P2RY8: variants seen among roughly 807,000 people sequenced by gnomAD.
P2RY8 encodes P2Y receptor family member 8, also known as S-geranylgeranyl-glutathione receptor P2RY8.
P2RY8 carries 6 observed loss-of-function variants against 10.0 expected under a neutral mutation model. The ratio of observed to expected loss-of-function variants is 0.60; its 90% CI spans 0.33 to 1.19. P2RY8 has a LOEUF of 1.19. Among genes scored for constraint, P2RY8 ranks in the 50% most tolerant of loss-of-function variants. The pLI is 0.04. For synonymous variants in P2RY8, 276 were observed against 252.5 expected, an observed-to-expected ratio of 1.09 and a Z score of -0.88; for missense variants, 456 against 542.0, an observed-to-expected ratio of 0.84 and a Z score of 1.58.
At chrX:1,477,353 C>T (rs2091887462) in intron 1 of P2RY8, among the ~76,000 whole-genome samples, 1 of 151,882 alleles carries the variant, frequency 6.6e-6, no homozygotes, top group Admixed American at 6.6e-5. Flanking sequence ...ATCTATCAAT[C>T]GATCATCTAT....
At position 1,466,643 on chromosome X, in the gene P2RY8, G is replaced by C. The variant is rs1239409263; in HGVS notation, c.-24-61C>G. ...GGCGCAGGTAAAGAGGCGGCTGCCG[G>C]GAGGGCTCCTGAGCGCCGCTCCCCG... On this transcript the variant is annotated intron_variant, in intron 1 of 1. Coordinates refer to ENST00000381297, the MANE Select transcript of P2RY8 (RefSeq NM_178129.5). The C allele has an allele frequency of 2.0e-6, 3 of 1,488,130 alleles. No individual in the cohort carries two copies. In the East Asian group the frequency reaches 6.8e-5, roughly 34 times the overall value. 92.2% of individuals were successfully genotyped at this position (1,488,130 alleles called of 1,614,324 possible).
intron 1 of P2RY8, among the ~76,000 whole-genome samples, chrX:1,505,787 C>T (rs1453604471): frequency 3.3e-4 from 50 of 152,080 alleles, no homozygotes; most frequent in African/African-American, 1.2e-3. Context: ...AAGACTGCGT[C>T]TCAAAAACAA....
intron 1 of P2RY8, among the ~76,000 whole-genome samples, chrX:1,471,157 A>T (rs1193688564): frequency 6.6e-6 from 1 of 151,604 alleles, no homozygotes; most frequent in African/African-American, 2.4e-5. Flanking sequence ...ACAGGCATGC[A>T]TCACCGCACC....
intron 1 of P2RY8, among the ~76,000 whole-genome samples, chrX:1,483,081 C>G (rs1283086826): frequency 6.6e-6 from 1 of 152,008 alleles, no homozygotes; most frequent in African/African-American, 2.4e-5. Flanking sequence ...TACCCTAAAA[C>G]TTAAATGAAA....
At chrX:1,530,664 CTCTAA>C (rs1454275371) in intron 1 of P2RY8, among the ~76,000 whole-genome samples, 5 of 150,832 alleles carry the variant, frequency 3.3e-5, no homozygotes, top group African/African-American at 9.7e-5. Context: ...CTATGTATCT[CTCTAA>C]TCTATCATCT....
At position 1,463,135 on chromosome X, in the gene P2RY8, G is replaced by A. The variant is rs1223623557; in HGVS notation, c.*2344C>T. ...AAGGCAGTTTAGGGATCGTCCGTGC[G>A]TTACTGTGAAGATGCTACTCTGAGG... is the stretch of plus-strand genomic sequence containing the variant. On this transcript the variant is annotated 3_prime_UTR_variant, in exon 2 of 2. Transcript: ENST00000381297. 3 of 233,034 alleles carry A rather than the reference G, an allele frequency of 1.3e-5. No homozygotes were observed. The highest frequency in any genetic ancestry group is 2.2e-5 in the African/African-American group (1 of 45,298). The allele number at this position is 233,034 out of a possible 1,614,324, so 14.4% of individuals were successfully genotyped here. A position where few individuals can be genotyped will look rare whatever the true frequency, so the allele number is the denominator to read the frequency against.
chrX:1,503,450 C>G (rs1288589493), intron 1 of P2RY8, among the ~76,000 whole-genome samples: 1 of 152,122 alleles, frequency 6.6e-6, no homozygotes, highest in South Asian at 2.1e-4. Context: ...TGACATGCCA[C>G]GAGCTTTGTT....
chrX:1,493,854 G>T (rs1483076203), intron 1 of P2RY8, among the ~76,000 whole-genome samples: 1 of 152,168 alleles, frequency 6.6e-6, no homozygotes, highest in Non-Finnish European at 1.5e-5. Context: ...GCCAACCTCA[G>T]CCCTCTCTGC....
intron 1 of P2RY8, among the ~76,000 whole-genome samples, chrX:1,468,532 G>C (rs1274548716): frequency 2.0e-5 from 3 of 152,152 alleles, no homozygotes; most frequent in East Asian, 3.9e-4. Flanking sequence ...CCTGACACAG[G>C]AGGCACAGGC....
intron 1 of P2RY8, among the ~76,000 whole-genome samples, chrX:1,490,716 C>G (rs1319289731): frequency 6.8e-6 from 1 of 146,420 alleles, no homozygotes; most frequent in South Asian, 2.2e-4. Context: ...ATGAATGATA[C>G]CCAGATATTC....
intron 1 of P2RY8, among the ~76,000 whole-genome samples, chrX:1,524,669 T>C (rs5948957): frequency 0.25 from 12,830 of 50,680 alleles, 2,605 homozygotes; most frequent in Middle Eastern, 0.31. Flanking sequence ...ATCCATCCAT[T>C]CATCCATCCA....
Position 1,466,226 on chromosome X carries a change from G to A in P2RY8, c.333C>T (p.Ile111=). The change falls in exon 2 of 2, where the codon ATC becomes ATT. Residue 111 remains isoleucine, a synonymous_variant. Transcript: ENST00000381297. Reference sequence around the variant, plus strand: ...CCACGCTGATACAGGTCATGGTGAGGATGCTGGAATACATGTTTGCGTAAA... The same window carrying A: ...CCACGCTGATACAGGTCATGGTGAGAATGCTGGAATACATGTTTGCGTAAA... The part of the protein sequence containing the change: ...VAFYANMYSS[I]LTMTCISVER... 9 of 1,613,626 alleles carry A rather than the reference G, an allele frequency of 5.6e-6. No homozygotes were observed. Among genetic ancestry groups the A allele is most frequent in the Non-Finnish European group, 6.8e-6 (8 of 1,179,758 alleles).
chrX:1,536,144 A>C (rs1448599659), intron 1 of P2RY8, among the ~76,000 whole-genome samples: 1 of 152,106 alleles, frequency 6.6e-6, no homozygotes, highest in Non-Finnish European at 1.5e-5. Flanking sequence ...CCAAGGTCTC[A>C]TTGCAAACAT....
intron 1 of P2RY8, among the ~76,000 whole-genome samples, chrX:1,515,810 C>G (rs1379210650): frequency 6.6e-6 from 1 of 151,776 alleles, no homozygotes; most frequent in Non-Finnish European, 1.5e-5. Flanking sequence ...GAGGTGAGAG[C>G]TCTGGGGGAG....
chrX:1,517,494 TG>T (rs1228663471), intron 1 of P2RY8, among the ~76,000 whole-genome samples: 19 of 152,172 alleles, frequency 1.2e-4, no homozygotes, highest in Admixed American at 1.2e-3. Flanking sequence ...CTTAGACTGC[TG>T]TTCCACCCTC....
At chrX:1,522,022 G>A (rs774434149) in intron 1 of P2RY8, among the ~76,000 whole-genome samples, 27 of 119,618 alleles carry the variant, frequency 2.3e-4, no homozygotes, top group Non-Finnish European at 3.7e-4. Context: ...GTGCGATCTC[G>A]GCTCACCGCA....
chrX:1,492,926 T>G (rs1350663922), intron 1 of P2RY8, among the ~76,000 whole-genome samples: 1 of 151,936 alleles, frequency 6.6e-6, no homozygotes, highest in Non-Finnish European at 1.5e-5. Flanking sequence ...TTGTAGGTCT[T>G]GAACACACCC....
At chrX:1,526,680 T>TCATCCATCCATCCATC (rs1159146608) in intron 1 of P2RY8, among the ~76,000 whole-genome samples, 3,112 of 151,414 alleles carry the variant, frequency 0.021, 130 homozygotes, top group African/African-American at 0.072. Context: ...TATTCAGCAT[T>TCATCCATCCATCCATC]CATCCATCCA....
At chrX:1,482,811 G>T (rs765131992) in intron 1 of P2RY8, among the ~76,000 whole-genome samples, 387 of 151,896 alleles carry the variant, frequency 2.5e-3, no homozygotes, top group Non-Finnish European at 4.5e-3. Flanking sequence ...GATGAAGCTC[G>T]AAACCATCAT....
Sources: allele counts gnomAD v4.1 joint callset (sites outside exome capture counted in the v4.1 genomes callset), GRCh38; gene constraint gnomAD v4.1.1; transcripts MANE v1.5; gene names NCBI Gene and HGNC (gene_info 2026-07-23, HGNC 2026-07-21).